TRMT9B: variants seen among roughly 807,000 people sequenced by gnomAD.
TRMT9B encodes tRNA methyltransferase 9B (putative), also known as probable tRNA methyltransferase 9B.
A neutral mutation model predicts 11.5 loss-of-function variants in TRMT9B; 16 were observed. The observed-to-expected ratio is 1.39, with a 90% CI of 0.94 to 2.11. TRMT9B has a LOEUF of 2.11. TRMT9B is among the 30% of genes most tolerant of loss of function. The pLI is 0.00. For missense variants in TRMT9B, 941 were observed against 553.8 expected, an observed-to-expected ratio of 1.70 and a Z score of -7.02; for synonymous variants, 274 against 192.4, an observed-to-expected ratio of 1.42 and a Z score of -3.51.
chr8:13,022,091 C>T lies in TRMT9B; in HGVS notation c.*47C>T, dbSNP rs498852. The T allele has an allele frequency of 1, 1,374,063 of 1,374,682 alleles. 686,726 individuals carry two copies. Among genetic ancestry groups the T allele is most frequent in the East Asian group, 1 (42,748 of 42,748 alleles). The allele number at this position is 1,374,682 out of a possible 1,614,324, so 85.2% of individuals were successfully genotyped here. Reference sequence around the variant, plus strand: ...CTCCAAAAGATGAACCACATTCTTTCCTCTTGGTTTGATATGGTTACCTGA... The same window carrying T: ...CTCCAAAAGATGAACCACATTCTTTTCTCTTGGTTTGATATGGTTACCTGA... On this transcript the variant is annotated 3_prime_UTR_variant, in exon 5 of 5. Coordinates refer to ENST00000524591, the MANE Select transcript of TRMT9B (RefSeq NM_020844.3).
chr8:13,002,368 A>G (rs900275901), intron 2 of TRMT9B, among the ~76,000 whole-genome samples: 2 of 152,228 alleles, frequency 1.3e-5, no homozygotes, highest in African/African-American at 4.8e-5. Flanking sequence ...TAAATAGACT[A>G]AAATCTACTG....
At chr8:13,006,959 G>A (rs1012566862) in intron 3 of TRMT9B, 4 of 154,302 alleles carry the variant, frequency 2.6e-5, no homozygotes, top group Non-Finnish European at 2.9e-5. Context: ...TTGAGCCACC[G>A]TGCCTGGCCT....
intron 2 of TRMT9B, among the ~76,000 whole-genome samples, chr8:12,996,171 G>A (rs1415656298): frequency 6.6e-6 from 1 of 152,082 alleles, no homozygotes; most frequent in African/African-American, 2.4e-5. Context: ...TATTATAGTT[G>A]TGCTACTTGG....
chr8:13,021,520 A>G lies in TRMT9B; in HGVS notation c.841A>G (p.Thr281Ala), dbSNP rs1434189360. 2.5e-6 allele frequency: 4 copies of G among 1,613,730 alleles called. No individual in the cohort carries two copies. The African/African-American group carries it at 4.0e-5, about 16-fold the overall frequency. ...LKNTEVWASSTVTVQPSRHSS... is the reference protein window; with the variant it reads ...LKNTEVWASSAVTVQPSRHSS... ...AAACACAGAAGTTTGGGCCAGTAGC[A>G]CTGTAACAGTCCAGCCTTCCAGACA... Residue 281 changes from threonine to alanine, a missense_variant, in exon 5 of 5, where the codon ACT (threonine) becomes GCT (alanine). Physicochemically the swap from Thr to Ala is moderately conservative, Grantham distance 58 (BLOSUM62 0). Coordinates refer to ENST00000524591, the MANE Select transcript of TRMT9B (RefSeq NM_020844.3).
At chr8:12,959,287 C>CACACCTGA (rs1801728545) in intron 1 of TRMT9B, among the ~76,000 whole-genome samples, 2 of 152,118 alleles carry the variant, frequency 1.3e-5, no homozygotes, top group Non-Finnish European at 2.9e-5. Context: ...GGAAAAATCC[C>CACACCTGA]ACACCTGACT....
At chr8:12,983,577 G>A (rs59700971) in intron 1 of TRMT9B, among the ~76,000 whole-genome samples, 48,664 of 152,048 alleles carry the variant, frequency 0.32, 8,419 homozygotes, top group Middle Eastern at 0.51. Flanking sequence ...GGCTGAGGCA[G>A]GACAATCGCT....
In TRMT9B at chr8:13,022,108, G is replaced by C; in HGVS notation, c.*64G>C. ...CATTCTTTCCTCTTGGTTTGATATG[G>C]TTACCTGAATTTGCATTCAGTGTTA... On this transcript the variant is annotated 3_prime_UTR_variant, in exon 5 of 5. Transcript: ENST00000524591. 8.3e-7 allele frequency: 1 copy of C among 1,200,288 alleles called. No homozygotes were observed. The highest frequency in any genetic ancestry group is 2.4e-5 in the East Asian group (1 of 40,928). The allele number at this position is 1,200,288 out of a possible 1,614,324, so 74.4% of individuals were successfully genotyped here. A position where few individuals can be genotyped will look rare whatever the true frequency, so the allele number is the denominator to read the frequency against.
Position 13,021,022 on chromosome 8 carries a change from T to C in TRMT9B, c.343T>C (p.Ser115Pro). The change falls in exon 5 of 5, where the codon TCT becomes CCT. Residue 115 changes from serine (S) to proline (P), a missense_variant. Transcript: ENST00000524591. ...GTCTTTTTCAGTCATACATCATTTT[T>C]CTACAAAACAAAGAAGAATCAGAGC... Reference protein sequence around the residue: ...IISIGVIHHFSTKQRRIRAIK... With the variant: ...IISIGVIHHFPTKQRRIRAIK... The C allele has an allele frequency of 3.2e-6, 5 of 1,549,028 alleles. No homozygotes were observed. Among genetic ancestry groups the C allele is most frequent in the Non-Finnish European group, 4.4e-6 (5 of 1,148,488 alleles).
chr8:12,965,881 C>A (rs777638751), intron 1 of TRMT9B, among the ~76,000 whole-genome samples: 1 of 151,150 alleles, frequency 6.6e-6, no homozygotes, highest in African/African-American at 2.4e-5. Flanking sequence ...GGTGTGGTGG[C>A]GGGCACCTGT....
At position 13,024,046 on chromosome 8, in the gene TRMT9B, T is replaced by C. The variant is rs796067488; in HGVS notation, c.*2002T>C. 3 of 144,974 alleles carry C rather than the reference T, an allele frequency of 2.1e-5. No homozygotes were observed. Among genetic ancestry groups the C allele is most frequent in the Non-Finnish European group, 1.6e-5 (1 of 64,074 alleles). 9.0% of individuals were successfully genotyped at this position (144,974 alleles called of 1,614,324 possible). On this transcript the variant is annotated 3_prime_UTR_variant, in exon 5 of 5. Transcript: ENST00000524591. ...TAATTTGGTTTCTTCTATTTCTTTT[T>C]TTTTTTTTTTTTTTTGAGACAGAGT...
rs1228141212 is a variant in TRMT9B, at chr8:12,983,519, A to T, written c.-199-7315A>T. 4.6e-5 allele frequency among the ~76,000 whole-genome samples: 7 copies of T among 152,090 alleles called. No homozygotes were observed. The East Asian group carries it at 1.4e-3, about 29-fold the overall frequency. ...ATCCCATCTCTACTAAAATTACAGA[A>T]ATTAGCTGGGCGTTGTGGCAGGTGC... is the stretch of plus-strand genomic sequence containing the variant. On this transcript the variant is annotated intron_variant, in intron 1 of 4. Transcript: ENST00000524591.
At chr8:12,960,644 T>C (rs2128862364) in intron 1 of TRMT9B, among the ~76,000 whole-genome samples, 1 of 152,322 alleles carries the variant, frequency 6.6e-6, no homozygotes, top group East Asian at 1.9e-4. Flanking sequence ...GAAATGATTT[T>C]TCAAGTCACA....
At position 13,026,594 on chromosome 8, in the gene TRMT9B, T is replaced by C. The variant is rs665995; in HGVS notation, c.*4550T>C. The C allele has an allele frequency of 0.14, 23,940 of 167,174 alleles. 2,449 individuals carry two copies. The highest frequency in any genetic ancestry group is 0.3 in the African/African-American group (12,404 of 41,528). 10.4% of individuals were successfully genotyped at this position (167,174 alleles called of 1,614,324 possible). On this transcript the variant is annotated 3_prime_UTR_variant, in exon 5 of 5. Coordinates refer to ENST00000524591, the MANE Select transcript of TRMT9B (RefSeq NM_020844.3). Reference sequence around the variant, plus strand: ...AAAAAAAGCAACGTTCATTAATTTATATGCAGTCCTCACCACAGCCCTCCA... The same window carrying C: ...AAAAAAAGCAACGTTCATTAATTTACATGCAGTCCTCACCACAGCCCTCCA...
At chr8:12,998,807 T>A (rs540957727) in intron 2 of TRMT9B, among the ~76,000 whole-genome samples, 7 of 152,334 alleles carry the variant, frequency 4.6e-5, no homozygotes, top group African/African-American at 1.7e-4. Context: ...ATTTTTACTA[T>A]TTGCCTCTGG....
At chr8:12,979,481 AAAAAAAAAT>A (rs1805008890) in intron 1 of TRMT9B, among the ~76,000 whole-genome samples, 1 of 6,116 alleles carries the variant, frequency 1.6e-4, no homozygotes, top group South Asian at 3.7e-3. Flanking sequence ...ATCTCAAAAT[AAAAAAAAAT>A]AAAAAAATAA....
At chr8:12,954,716 T>A (rs1437902038) in intron 1 of TRMT9B, among the ~76,000 whole-genome samples, 1 of 152,224 alleles carries the variant, frequency 6.6e-6, no homozygotes, top group Non-Finnish European at 1.5e-5. Context: ...TCCTTCAGCT[T>A]TTGTGACTCA....
At chr8:12,946,655 C>A (rs976207213) in intron 1 of TRMT9B, among the ~76,000 whole-genome samples, 10 of 152,162 alleles carry the variant, frequency 6.6e-5, no homozygotes, top group African/African-American at 2.2e-4. Context: ...GAAATCTACA[C>A]AGCGTTTTTC....
Position 13,026,629 on chromosome 8 carries a change from T to C in TRMT9B, c.*4585T>C, listed in dbSNP as rs28721344. On this transcript the variant is annotated 3_prime_UTR_variant, in exon 5 of 5. Transcript: ENST00000524591. ...TCACCACAGCCCTCCAAGATAACTA[T>C]ACTTATTGTTCCCATTTTGCAGATG... 23,807 of 167,232 alleles carry C rather than the reference T, an allele frequency of 0.14. 1,735 individuals are homozygous for C. Among genetic ancestry groups the C allele is most frequent in the South Asian group, 0.2 (944 of 4,824 alleles). The allele number at this position is 167,232 out of a possible 1,614,324, so 10.4% of individuals were successfully genotyped here.
At chr8:12,983,261 A>G (rs1320353792) in intron 1 of TRMT9B, among the ~76,000 whole-genome samples, 2 of 152,230 alleles carry the variant, frequency 1.3e-5, no homozygotes, top group African/African-American at 2.4e-5. Context: ...GGACTAGAGC[A>G]GTGTGCAGCC....
Sources: allele counts gnomAD v4.1 joint callset (sites outside exome capture counted in the v4.1 genomes callset), GRCh38; gene constraint gnomAD v4.1.1; transcripts MANE v1.5; gene names NCBI Gene and HGNC (gene_info 2026-07-23, HGNC 2026-07-21).